The following SVOPL variants were observed in gnomAD, a reference collection of about 807,000 sequenced individuals.
SVOPL encodes putative transporter SVOPL.
Under a neutral mutation model 61.0 loss-of-function variants are expected in SVOPL, and 60 were observed. The observed-to-expected ratio is 0.98, with a 90% CI of 0.80 to 1.22. SVOPL has a LOEUF of 1.22. SVOPL is among the 50% of genes most tolerant of loss of function. The probability of loss-of-function intolerance (pLI) is 0.00; values close to 1 mark genes in which losing one functional copy is unlikely to be tolerated. For missense variants in SVOPL, 662 were observed against 643.9 expected (o/e 1.03, Z -0.30); for synonymous variants, 279 against 250.0 (o/e 1.12, Z -1.09).
chr7:138,663,861 AAAAC>A (rs1193073876), intron 4 of SVOPL, among the ~76,000 whole-genome samples: 1 of 152,168 alleles, frequency 6.6e-6, no homozygotes, highest in African/African-American at 2.4e-5. Context: ...AGGGGAAAAC[AAAAC>A]AAACCAGAAA....
At chr7:138,625,783 G>T (rs988116868) in intron 13 of SVOPL, among the ~76,000 whole-genome samples, 186 bp downstream of exon 13, 1 of 152,174 alleles carries the variant, frequency 6.6e-6, no homozygotes, top group Non-Finnish European at 1.5e-5. Context: ...CCAGAGATTG[G>T]CTTTCAATAG....
chr7:138,634,440 T>G (rs1357316645), intron 9 of SVOPL, among the ~76,000 whole-genome samples: 1 of 150,296 alleles, frequency 6.7e-6, no homozygotes, highest in Admixed American at 6.6e-5. Flanking sequence ...GCCAGAAATT[T>G]AAGACCAGCC....
At chr7:138,602,389 G>A (rs1485535105) in intron 14 of SVOPL, among the ~76,000 whole-genome samples, 2 of 151,374 alleles carry the variant, frequency 1.3e-5, no homozygotes, top group East Asian at 3.9e-4. Flanking sequence ...TTAAAAGAAT[G>A]AGGGTAATCT....
At chr7:138,701,006 T>C (rs1403136967) in intron 1 of SVOPL, among the ~76,000 whole-genome samples, 172 bp downstream of exon 1, 1 of 151,806 alleles carries the variant, frequency 6.6e-6, no homozygotes, top group Non-Finnish European at 1.5e-5. Context: ...AGTAGATCTT[T>C]TTTAAACTGA....
At chr7:138,697,286 T>C (rs1220356178) in intron 1 of SVOPL, among the ~76,000 whole-genome samples, 1 of 152,104 alleles carries the variant, frequency 6.6e-6, no homozygotes, top group Non-Finnish European at 1.5e-5. Flanking sequence ...TATTTTACCA[T>C]AGTTTTTAAA....
chr7:138,660,183 C>A (rs149859604), intron 5 of SVOPL, 195 bp from the exon 6 acceptor site: 7 of 1,354,252 alleles, frequency 5.2e-6, no homozygotes, highest in Non-Finnish European at 6.7e-6. Flanking sequence ...GAAGCCCAGA[C>A]CTACCAAGTT....
At chr7:138,635,395 CTT>C (rs777908534) in intron 9 of SVOPL, among the ~76,000 whole-genome samples, 9 of 140,232 alleles carry the variant, frequency 6.4e-5, no homozygotes, top group Admixed American at 3.6e-4. Context: ...CTTTATTTTA[CTT>C]TTTTTTTTTT....
intron 9 of SVOPL, among the ~76,000 whole-genome samples, chr7:138,637,549 C>CGT (rs1024220925): frequency 6.6e-6 from 1 of 151,488 alleles, no homozygotes; most frequent in Non-Finnish European, 1.5e-5. Context: ...TACACACACA[C>CGT]ACCCCCCAGA....
intron 9 of SVOPL, among the ~76,000 whole-genome samples, chr7:138,640,300 C>T (rs975588781): frequency 6.6e-6 from 1 of 151,632 alleles, no homozygotes; most frequent in Admixed American, 6.6e-5. Flanking sequence ...GGTGCCATCT[C>T]GGCTCACCGC....
At chr7:138,689,688 C>T (rs1802897547) in intron 1 of SVOPL, among the ~76,000 whole-genome samples, 1 of 151,750 alleles carries the variant, frequency 6.6e-6, no homozygotes, top group Admixed American at 6.6e-5. Context: ...GAAACCCCGT[C>T]TCTACTAAAA....
At chr7:138,680,167 T>C (rs1802667662) in intron 1 of SVOPL, among the ~76,000 whole-genome samples, 1 of 150,156 alleles carries the variant, frequency 6.7e-6, no homozygotes, top group Non-Finnish European at 1.5e-5. Context: ...CATGTCATTG[T>C]CTTTTTTTTT....
At position 138,649,078 on chromosome 7, in the gene SVOPL, G is replaced by A. The variant is rs776225782; in HGVS notation, c.594C>T (p.Thr198=). ...CGCGAATGAGCCAGCGCCACCCGAT[G>A]GTGGGGATGATCACAGAGGCCAAGC... The part of the protein sequence containing the change: ...IIGLASVIIP[T]IGWRWLIRVA... The change falls in exon 8 of 16, where the codon ACC becomes ACT. Residue 198 remains threonine (T), a synonymous_variant. Coordinates refer to ENST00000674285, the MANE Select transcript of SVOPL (RefSeq NM_001139456.2). The A allele has an allele frequency of 6.2e-7, 1 of 1,613,954 alleles. No individual in the cohort carries two copies. The highest frequency in any genetic ancestry group is 1.7e-5 in the Admixed American group (1 of 59,986).
chr7:138,622,234 G>GTATCTATCTATC (rs112468403), intron 13 of SVOPL, among the ~76,000 whole-genome samples: 1 of 37,388 alleles, frequency 2.7e-5, no homozygotes. Flanking sequence ...ATCTATCTAT[G>GTATCTATCTATC]TATCTATCTA....
At chr7:138,644,467 T>C (rs1418043219) in intron 9 of SVOPL, among the ~76,000 whole-genome samples, 1 of 152,122 alleles carries the variant, frequency 6.6e-6, no homozygotes, top group East Asian at 1.9e-4. Context: ...TGCCAAATCA[T>C]GTTATTAGCT....
In SVOPL at chr7:138,619,307, C is replaced by T. The variant is rs191314385; in HGVS notation, c.1353+1739G>A. 7.6e-3 allele frequency among the ~76,000 whole-genome samples: 1,154 copies of T among 151,916 alleles called. 8 individuals carry two copies. Among genetic ancestry groups the T allele is most frequent in the Admixed American group, 0.025 (381 of 15,238 alleles). ...CCTGTAGTCCCAGCTACTGGGGAGG[C>T]TCAGGTGGGAGGATCCCTTGGACCT... On this transcript the variant is annotated intron_variant, in intron 14 of 15. Transcript: ENST00000674285.
chr7:138,700,467 T>C (rs1484127364), intron 1 of SVOPL, among the ~76,000 whole-genome samples: 4 of 151,220 alleles, frequency 2.6e-5, no homozygotes, highest in Admixed American at 2.0e-4. Context: ...GCCTCCTGAG[T>C]ACCTGGGATT....
intron 13 of SVOPL, among the ~76,000 whole-genome samples, chr7:138,622,202 G>GTATC (rs1195847598): frequency 5.0e-5 from 3 of 59,420 alleles, no homozygotes; most frequent in African/African-American, 1.9e-4. Flanking sequence ...ATCTATCTAT[G>GTATC]TATCTATCTA....
chr7:138,679,344 A>G (rs987793902), intron 1 of SVOPL, among the ~76,000 whole-genome samples: 1 of 151,984 alleles, frequency 6.6e-6, no homozygotes, highest in African/African-American at 2.4e-5. Flanking sequence ...ATCTCAGCTC[A>G]CTACAACCTC....
intron 3 of SVOPL, among the ~76,000 whole-genome samples, chr7:138,674,747 T>C (rs1802514986): frequency 6.6e-6 from 1 of 151,834 alleles, no homozygotes; most frequent in African/African-American, 2.4e-5. Context: ...TCCCAGCTAC[T>C]TAGGAGGCTG....
Sources: allele counts gnomAD v4.1 joint callset (sites outside exome capture counted in the v4.1 genomes callset), GRCh38; gene constraint gnomAD v4.1.1; transcripts MANE v1.5; gene names NCBI Gene and HGNC (gene_info 2026-07-23, HGNC 2026-07-21).